The following LCMT1 variants were observed in gnomAD, a reference collection of about 807,000 sequenced individuals.
LCMT1 encodes [Phosphatase 2A protein]-leucine-carboxy methyltransferase 1.
Under a neutral mutation model 47.7 loss-of-function variants are expected in LCMT1, and 32 were observed. The ratio of observed to expected loss-of-function variants is 0.67; its 90% confidence interval spans 0.51 to 0.90. The LOEUF (loss-of-function observed/expected upper bound fraction) is 0.90, where lower values mean the gene tolerates loss of function less well. LCMT1 is among the 40% of genes least tolerant of loss of function. The pLI is 0.00. For missense variants in LCMT1, 375 were observed against 415.2 expected, an observed-to-expected ratio of 0.90 and a Z score of 0.84; for synonymous variants, 152 against 149.7, an observed-to-expected ratio of 1.02 and a Z score of -0.11.
intron 4 of LCMT1, chr16:25,141,600 A>C (rs1033442096): frequency 1.1e-4 from 16 of 152,148 alleles, no homozygotes; most frequent in Admixed American, 5.2e-4. Flanking sequence ...CAAACGATCC[A>C]CCCACCTTGG....
rs903469717 is a variant in LCMT1 at position 25,111,845 on chromosome 16, T to A, written c.-39T>A. 5.6e-6 allele frequency: 8 copies of A among 1,431,916 alleles called. No individual in the cohort carries two copies. Among genetic ancestry groups the A allele is most frequent in the African/African-American group, 4.2e-5 (3 of 70,972 alleles). The allele number at this position is 1,431,916 out of a possible 1,614,324, so 88.7% of individuals were successfully genotyped here. ...CCGCCGCCCGTCGACCCCGCTTCCA[T>A]GTCCCTGGCGGACACAGCTCCCAGG... On this transcript the variant is annotated 5_prime_UTR_variant, in exon 1 of 11. It removes an upstream start codon present in the reference 5' UTR. Transcript: ENST00000399069.
intron 5 of LCMT1, among the ~76,000 whole-genome samples, chr16:25,153,916 G>A (rs1597591534): frequency 6.6e-6 from 1 of 152,030 alleles, no homozygotes; most frequent in Non-Finnish European, 1.5e-5. Context: ...TCATGCCGCT[G>A]CACTCCAGAC....
Position 25,151,618 on chromosome 16 carries a change from A to C in LCMT1, c.466+3A>C. 1 of 1,611,984 alleles carries C rather than the reference A, an allele frequency of 6.2e-7. No homozygotes were observed. The highest frequency in any genetic ancestry group is 8.5e-7 in the Non-Finnish European group (1 of 1,178,652). The stretch of plus-strand genomic sequence containing the variant: ...TTCAGAGGACACACTTCAGATGGGC[A>C]AGTATCAAGCTAATGCAAAATGGAC... On this transcript the variant is annotated splice_donor_region_variant and intron_variant, in intron 5 of 10. Transcript: ENST00000399069.
intron 6 of LCMT1, 23 bp downstream of exon 6, chr16:25,161,227 T>C (rs369815098): frequency 3.0e-6 from 4 of 1,319,048 alleles, no homozygotes; most frequent in Non-Finnish European, 2.1e-6. Context: ...TTTTTAAACC[T>C]CTTCTGCATT....
intron 5 of LCMT1, among the ~76,000 whole-genome samples, chr16:25,153,646 G>T (rs930726924): frequency 6.6e-6 from 1 of 152,304 alleles, no homozygotes. Flanking sequence ...GGTATATTGT[G>T]ATTTAAAAAA....
At chr16:25,128,362 G>A in intron 1 of LCMT1, 113 bp from the exon 2 acceptor site, 2 of 687,336 alleles carry the variant, frequency 2.9e-6, no homozygotes, top group South Asian at 1.9e-5. Flanking sequence ...CTTTTGAGGT[G>A]GATGGTTGGT....
chr16:25,120,693 T>C (rs1959948195), intron 1 of LCMT1, among the ~76,000 whole-genome samples: 1 of 151,610 alleles, frequency 6.6e-6, no homozygotes, highest in South Asian at 2.1e-4. Flanking sequence ...CCTCCCAAAG[T>C]GCTTGGATTA....
chr16:25,130,938 CA>C (rs954575092), intron 2 of LCMT1, among the ~76,000 whole-genome samples: 1 of 152,220 alleles, frequency 6.6e-6, no homozygotes, highest in African/African-American at 2.4e-5. Flanking sequence ...GGTAGTCATT[CA>C]GCTCCATTCT....
chr16:25,132,554 A>G (rs953295980), intron 3 of LCMT1, 31 bp downstream of exon 3: 4 of 1,604,904 alleles, frequency 2.5e-6, no homozygotes, highest in South Asian at 1.1e-5. Flanking sequence ...TCCCTCCCCA[A>G]GTGTTTAGAT....
chr16:25,117,593 C>T (rs570008340), intron 1 of LCMT1, among the ~76,000 whole-genome samples: 57 of 152,268 alleles, frequency 3.7e-4, no homozygotes, highest in African/African-American at 1.4e-3. Flanking sequence ...GTGGCTCACA[C>T]CTGTAATCCC....
At chr16:25,120,304 A>G (rs1290703439) in intron 1 of LCMT1, among the ~76,000 whole-genome samples, 29 of 141,482 alleles carry the variant, frequency 2.0e-4, no homozygotes, top group Admixed American at 9.2e-4. Flanking sequence ...GGTCACTGCA[A>G]CCTCCGCCTC....
intron 1 of LCMT1, among the ~76,000 whole-genome samples, chr16:25,124,179 G>A (rs978882038): frequency 6.6e-6 from 1 of 152,170 alleles, no homozygotes; most frequent in Non-Finnish European, 1.5e-5. Context: ...ACTCTACACA[G>A]TAGACCTGTT....
In LCMT1 at chr16:25,151,638, A is replaced by ATGT. The variant is rs1961083093; in HGVS notation, c.466+25_466+26insTTG. The ATGT allele has an allele frequency of 3.1e-6, 5 of 1,600,316 alleles. No individual in the cohort carries two copies. In the South Asian group the frequency reaches 5.6e-5, roughly 18 times the overall value. On this transcript the variant is annotated intron_variant, in intron 5 of 10. Coordinates refer to ENST00000399069, the MANE Select transcript of LCMT1 (RefSeq NM_016309.3). ...TGGGCAAGTATCAAGCTAATGCAAA[A>ATGT]TGGACTGTATCAGTATTTTTGCTTC...
At chr16:25,163,050 C>T (rs1961478483) in intron 6 of LCMT1, among the ~76,000 whole-genome samples, 1 of 152,290 alleles carries the variant, frequency 6.6e-6, no homozygotes, top group East Asian at 1.9e-4. Flanking sequence ...TTTGTAGAGA[C>T]AAGGTTTCAC....
At chr16:25,124,535 G>A (rs1597563446) in intron 1 of LCMT1, among the ~76,000 whole-genome samples, 1 of 152,226 alleles carries the variant, frequency 6.6e-6, no homozygotes, top group South Asian at 2.1e-4. Flanking sequence ...ATTTGGTCAA[G>A]CATTTGGAAT....
intron 4 of LCMT1, chr16:25,143,989 G>A (rs552113038): frequency 6.6e-6 from 1 of 152,332 alleles, no homozygotes; most frequent in Admixed American, 6.5e-5. Flanking sequence ...GGTTGGTAGG[G>A]TCTGTCATTA....
At chr16:25,140,056 CT>C in intron 3 of LCMT1, 114 bp from the exon 4 acceptor site, 2 of 734,220 alleles carry the variant, frequency 2.7e-6, no homozygotes, top group Non-Finnish European at 4.7e-6. Context: ...TATCAGTCCC[CT>C]GATTTAAAAA....
At chr16:25,130,280 C>A (rs1257130307) in intron 2 of LCMT1, among the ~76,000 whole-genome samples, 1 of 144,762 alleles carries the variant, frequency 6.9e-6, no homozygotes, top group African/African-American at 2.6e-5. Flanking sequence ...GCAGAGCTTG[C>A]AGTGAGCCGA....
chr16:25,177,989 C>G lies in LCMT1; in HGVS notation c.983-12C>G. On this transcript the variant is annotated splice_polypyrimidine_tract_variant and intron_variant, in intron 10 of 10. Transcript: ENST00000399069. ...GAGTCTCCTAATGGTGTCTGTGTGT[C>G]TCTCCCCTCAGGGCTGAAGGAGATA... The G allele has an allele frequency of 6.2e-7, 1 of 1,613,536 alleles. No homozygotes were observed. Among genetic ancestry groups the G allele is most frequent in the South Asian group, 1.1e-5 (1 of 91,034 alleles).
Sources: gnomAD v4.1 joint callset for allele counts (sites outside exome capture counted in the v4.1 genomes callset) on GRCh38, gnomAD v4.1.1 for gene constraint, MANE v1.5 for transcripts, NCBI Gene and HGNC (gene_info 2026-07-23, HGNC 2026-07-21) for gene names.